Variants in CLCA1 observed in about 807,000 individuals in gnomAD.
CLCA1 encodes the protein calcium-activated chloride channel regulator 1.
In CLCA1, 59 loss-of-function variants were observed where a neutral mutation model predicts 85.6. That is an observed-to-expected ratio of 0.69 (90% confidence interval 0.56 to 0.86). The LOEUF is 0.86. Among genes scored for constraint, CLCA1 ranks in the 40% least tolerant of loss-of-function variants. CLCA1 has a pLI of 0.00. For missense variants in CLCA1, 1,022 were observed against 1,101.4 expected (o/e 0.93, Z 1.02); for synonymous variants, 396 against 398.3 (o/e 0.99, Z 0.07).
In CLCA1 at chr1:86,489,229, A is replaced by C. The variant is rs373924666; in HGVS notation, c.1357+59A>C. ...TCTCTCCTACTGGACTGTGAGCTCCAGTGAACTGGGGAGTGGGGGAAAGAT... is the reference window on the plus strand; with the variant it reads ...TCTCTCCTACTGGACTGTGAGCTCCCGTGAACTGGGGAGTGGGGGAAAGAT... On this transcript the variant is annotated intron_variant, in intron 8 of 13. Coordinates refer to ENST00000394711, the MANE Select transcript of CLCA1 (RefSeq NM_001285.4). 4.6e-6 allele frequency: 7 copies of C among 1,518,810 alleles called. No individual in the cohort carries two copies. The African/African-American group carries it at 9.7e-5, about 21-fold the overall frequency. 94.1% of individuals were successfully genotyped at this position (1,518,810 alleles called of 1,614,324 possible). A position where few individuals can be genotyped will look rare whatever the true frequency, so the allele number is the denominator to read the frequency against.
intron 4 of CLCA1, among the ~76,000 whole-genome samples, chr1:86,481,651 C>T (rs555600764): frequency 4.6e-5 from 7 of 151,774 alleles, no homozygotes; most frequent in African/African-American, 1.2e-4. Context: ...TTTTCTATAC[C>T]GGTCATGCAT....
chr1:86,478,254 G>A (rs5744334), intron 4 of CLCA1, among the ~76,000 whole-genome samples: 146 of 151,998 alleles, frequency 9.6e-4, no homozygotes, highest in African/African-American at 3.4e-3. Context: ...GGAAAACTCC[G>A]TCTCTACTAA....
In CLCA1 at chr1:86,491,291, C is replaced by G. The variant is rs1215559421; in HGVS notation, c.1384C>G (p.Gln462Glu). 1 of 1,613,354 alleles carries G rather than the reference C, an allele frequency of 6.2e-7. No individual in the cohort carries two copies. ...AGGTTTACAGACATATGCTTCAGAT[C>G]AAGTTCAGAACAATGGCCTCATTGA... ...TGGLQTYASD[Q>E]VQNNGLIDAF... is the part of the protein sequence containing the mutation. The change falls in exon 9 of 14, where the codon CAA becomes GAA. Residue 462 changes from glutamine (Q) to glutamate (E), a missense_variant. Physicochemically the swap from Gln to Glu is conservative, Grantham distance 29. Coordinates refer to ENST00000394711, the MANE Select transcript of CLCA1 (RefSeq NM_001285.4).
Position 86,495,596 on chromosome 1 carries a change from G to A in CLCA1, c.2034G>A (p.Leu678=). Residue 678 remains leucine (L), a synonymous_variant, in exon 12 of 14, where the codon CTG becomes CTA. Coordinates refer to ENST00000394711, the MANE Select transcript of CLCA1 (RefSeq NM_001285.4). The stretch of plus-strand genomic sequence containing the variant: ...GATACAGTGTAAAAGTGCGGGCTCT[G>A]GGAGGAGTTAACGCAGCCAGACGGA... ...NGRYSVKVRA[L]GGVNAARRRV... 1 of 1,614,116 alleles carries A rather than the reference G, an allele frequency of 6.2e-7. No individual in the cohort carries two copies. Among genetic ancestry groups the A allele is most frequent in the Admixed American group, 1.7e-5 (1 of 60,022 alleles).
At chr1:86,488,547 G>T (rs973991) in intron 7 of CLCA1, among the ~76,000 whole-genome samples, 73,396 of 151,924 alleles carry the variant, frequency 0.48, 19,439 homozygotes, top group South Asian at 0.63. Flanking sequence ...ATGCCAGCCA[G>T]AAATAGCTGG....
Position 86,486,657 on chromosome 1 carries a change from A to C in CLCA1, c.1086A>C (p.Ile362=), listed in dbSNP as rs1268744521. 13 of 1,614,196 alleles carry C rather than the reference A, an allele frequency of 8.1e-6. No individual in the cohort carries two copies. The highest frequency in any genetic ancestry group is 1.1e-5 in the Non-Finnish European group (13 of 1,180,006). The change falls in exon 7 of 14, where the codon ATA becomes ATC. Residue 362 remains isoleucine (I), a synonymous_variant. Transcript: ENST00000394711. ...AAHVQNELIQ[I]NSGSDRDTLA... is the part of the protein sequence containing the mutation. ...ATGTACAAAATGAACTCATACAGATAAACAGTGGCAGTGACAGGGACACAC... is the reference window on the plus strand; with the variant it reads ...ATGTACAAAATGAACTCATACAGATCAACAGTGGCAGTGACAGGGACACAC...
intron 5 of CLCA1, among the ~76,000 whole-genome samples, chr1:86,483,377 C>T (rs530710700): frequency 2.0e-4 from 30 of 151,970 alleles, no homozygotes; most frequent in African/African-American, 5.8e-4. Context: ...ACCTGAAAAA[C>T]GCACATAAAG....
chr1:86,494,144 C>T (rs1328302991), intron 10 of CLCA1, 43 bp from the exon 11 acceptor site: 2 of 1,608,992 alleles, frequency 1.2e-6, no homozygotes, highest in South Asian at 2.2e-5. Context: ...GTCTGTGTCA[C>T]CTGAAGTTAT....
intron 12 of CLCA1, among the ~76,000 whole-genome samples, chr1:86,497,537 A>G (rs545895829): frequency 4.0e-4 from 61 of 152,346 alleles, no homozygotes; most frequent in African/African-American, 1.4e-3. Context: ...ACTTTTATAC[A>G]TGTCTTCAAC....
intron 1 of CLCA1, among the ~76,000 whole-genome samples, 169 bp downstream of exon 1, chr1:86,469,302 C>A (rs945195650): frequency 1.3e-5 from 2 of 152,140 alleles, no homozygotes; most frequent in Admixed American, 6.5e-5. Flanking sequence ...CATTAGGATT[C>A]TTGTGTCAGA....
chr1:86,495,744 T>G (rs541009375), intron 12 of CLCA1, 69 bp downstream of exon 12: 291 of 1,407,364 alleles, frequency 2.1e-4, no homozygotes, highest in Non-Finnish European at 2.8e-4. Context: ...CTATTAAGCC[T>G]GTGGGGCAGA....
intron 10 of CLCA1, 104 bp from the exon 11 acceptor site, chr1:86,494,083 T>C: frequency 7.6e-7 from 1 of 1,308,396 alleles, no homozygotes; most frequent in Non-Finnish European, 1.1e-6. Flanking sequence ...TTAGATATGC[T>C]TCCAACATGC....
Position 86,486,639 on chromosome 1 carries a change from A to G in CLCA1, c.1068A>G (p.Gln356=). The G allele has an allele frequency of 6.2e-7, 1 of 1,614,162 alleles. No homozygotes were observed. The highest frequency in any genetic ancestry group is 8.5e-7 in the Non-Finnish European group (1 of 1,180,022). ...CATTTGACAGTGCTGCCCATGTACA[A>G]AATGAACTCATACAGATAAACAGTG... ...MVTFDSAAHV[Q]NELIQINSGS... The change falls in exon 7 of 14, where the codon CAA becomes CAG. Residue 356 remains glutamine (Q), a synonymous_variant. Transcript: ENST00000394711.
chr1:86,495,012 A>T (rs1424998790), intron 11 of CLCA1, among the ~76,000 whole-genome samples: 2 of 149,826 alleles, frequency 1.3e-5, no homozygotes, highest in African/African-American at 4.9e-5. Context: ...TCTATCAGGG[A>T]GAGAGAGAAA....
chr1:86,473,473 T>C lies in CLCA1; in HGVS notation c.219T>C (p.Tyr73=), dbSNP rs755172271. Residue 73 remains tyrosine, a synonymous_variant, in exon 2 of 14, where the codon TAT becomes TAC. Coordinates refer to ENST00000394711, the MANE Select transcript of CLCA1 (RefSeq NM_001285.4). ...YLLEATGKRF[Y]FKNVAILIPE... ...TTGAAGCTACAGGAAAGCGATTTTA[T>C]TTCAAAAATGTTGCCATTTTGATTC... 5 of 1,611,052 alleles carry C rather than the reference T, an allele frequency of 3.1e-6. No homozygotes were observed. In the Admixed American group the frequency reaches 8.3e-5, roughly 27 times the overall value.
At chr1:86,478,720 A>C (rs1647743536) in intron 4 of CLCA1, among the ~76,000 whole-genome samples, 1 of 152,264 alleles carries the variant, frequency 6.6e-6, no homozygotes, top group Non-Finnish European at 1.5e-5. Flanking sequence ...GATATTCTAG[A>C]AATGAGTACA....
chr1:86,494,499 C>A (rs372079443), intron 11 of CLCA1, 51 bp downstream of exon 11: 5 of 1,591,434 alleles, frequency 3.1e-6, no homozygotes, highest in Non-Finnish European at 4.3e-6. Context: ...CAAGAAGCAA[C>A]CAGGGAATGC....
intron 9 of CLCA1, among the ~76,000 whole-genome samples, chr1:86,492,872 T>C (rs1428101200): frequency 6.6e-6 from 1 of 152,222 alleles, no homozygotes; most frequent in Non-Finnish European, 1.5e-5. Context: ...GAGCTTCATA[T>C]ACCAATAAAT....
chr1:86,486,855 A>G (rs1647993480), intron 7 of CLCA1, 102 bp downstream of exon 7: 2 of 976,582 alleles, frequency 2.0e-6, no homozygotes, highest in Non-Finnish European at 1.6e-6. Context: ...GTCCAACTGG[A>G]TGAGATAACC....
Sources: allele counts gnomAD v4.1 joint callset (sites outside exome capture counted in the v4.1 genomes callset), GRCh38; gene constraint gnomAD v4.1.1; transcripts MANE v1.5; gene names NCBI Gene and HGNC (gene_info 2026-07-23, HGNC 2026-07-21).